The following KCNK2 variants were observed in gnomAD, a reference collection of about 807,000 sequenced individuals.
KCNK2 encodes the protein potassium channel subfamily K member 2.
In KCNK2, 21 loss-of-function variants were observed where a neutral mutation model predicts 40.5. The observed-to-expected ratio is 0.52, with a 90% CI of 0.37 to 0.75. The LOEUF (loss-of-function observed/expected upper bound fraction) is 0.75, where lower values mean the gene tolerates loss of function less well. Ranked by LOEUF, KCNK2 falls within the 30% of genes least tolerant of loss-of-function variation. The pLI is 0.00. For missense variants in KCNK2, 399 were observed against 531.6 expected (o/e 0.75, Z 2.45); for synonymous variants, 191 against 202.2 (o/e 0.94, Z 0.47).
intron 2 of KCNK2, among the ~76,000 whole-genome samples, chr1:215,123,862 C>T (rs1168570174): frequency 6.6e-6 from 1 of 152,148 alleles, no homozygotes; most frequent in Non-Finnish European, 1.5e-5. Context: ...GCTTCTCCTT[C>T]TCCAACCCCC....
intron 3 of KCNK2, among the ~76,000 whole-genome samples, chr1:215,130,694 C>T (rs1661628162): frequency 1.3e-5 from 2 of 151,992 alleles, no homozygotes; most frequent in Non-Finnish European, 2.9e-5. Context: ...TCTATTAATC[C>T]ATATGGGAAA....
chr1:215,194,373 A>T (rs1206005144), intron 5 of KCNK2, among the ~76,000 whole-genome samples: 4 of 152,210 alleles, frequency 2.6e-5, no homozygotes, highest in African/African-American at 7.2e-5. Context: ...AATGAATGGT[A>T]GTATTACCTG....
chr1:215,206,190 A>T (rs1367033575), intron 6 of KCNK2, among the ~76,000 whole-genome samples: 1 of 152,198 alleles, frequency 6.6e-6, no homozygotes, highest in Admixed American at 6.5e-5. Context: ...GAGTCCAGTG[A>T]TGCTGAATCG....
At chr1:215,034,779 C>T (rs1657328523) in intron 1 of KCNK2, among the ~76,000 whole-genome samples, 1 of 151,976 alleles carries the variant, frequency 6.6e-6, no homozygotes, top group Non-Finnish European at 1.5e-5. Flanking sequence ...ATTAATATTG[C>T]TTTATCTTTG....
chr1:215,202,367 C>T (rs1665115963), intron 6 of KCNK2, among the ~76,000 whole-genome samples: 1 of 152,146 alleles, frequency 6.6e-6, no homozygotes, highest in African/African-American at 2.4e-5. Context: ...CTTTCTTTCT[C>T]TAGTCACAGT....
chr1:215,108,526 A>G (rs940002072), intron 2 of KCNK2, among the ~76,000 whole-genome samples: 6 of 152,144 alleles, frequency 3.9e-5, no homozygotes, highest in African/African-American at 1.2e-4. Flanking sequence ...ACATAGTCCT[A>G]TTAATCTATT....
At chr1:215,094,153 T>A (rs1261548491) in intron 2 of KCNK2, among the ~76,000 whole-genome samples, 1 of 150,804 alleles carries the variant, frequency 6.6e-6, no homozygotes, top group African/African-American at 2.4e-5. Flanking sequence ...ATTTTTTATT[T>A]ATGGAGAGAT....
Position 215,187,847 on chromosome 1 carries a change from T to C in KCNK2, c.824-7106T>C, listed in dbSNP as rs930972816. ...ACAGAGCAAGACCCTGTCTCAAAAA[T>C]TTAAAAAAAAAAAAAAAAAAGAGGA... On this transcript the variant is annotated intron_variant, in intron 5 of 6. Coordinates refer to ENST00000444842, the MANE Select transcript of KCNK2 (RefSeq NM_001017425.3). 3.7e-5 allele frequency among the ~76,000 whole-genome samples: 4 copies of C among 108,178 alleles called. No homozygotes were observed. In the South Asian group the frequency reaches 1.0e-3, roughly 27 times the overall value. 71.0% of individuals were successfully genotyped at this position (108,178 alleles called of 152,430 possible). A position where few individuals can be genotyped will look rare whatever the true frequency, so the allele number is the denominator to read the frequency against.
At chr1:215,050,887 C>T (rs774123257) in intron 1 of KCNK2, among the ~76,000 whole-genome samples, 26 of 152,138 alleles carry the variant, frequency 1.7e-4, no homozygotes, top group Non-Finnish European at 3.2e-4. Context: ...CTCCCGGCAT[C>T]ATTACACTAT....
At chr1:215,080,155 A>C (rs1002968350), upstream of KCNK2, among the ~76,000 whole-genome samples, 1 of 152,182 alleles carries the variant, frequency 6.6e-6, no homozygotes, top group Non-Finnish European at 1.5e-5. Context: ...TGAGTCTGGA[A>C]AAACAGAAGC....
rs570515663 is a variant in KCNK2, at chr1:215,141,932, C to T, written c.475+17182C>T. Among the ~76,000 whole-genome samples the T allele has an allele frequency of 3.4e-4, 51 of 152,080 alleles. 1 individual carries two copies. Among genetic ancestry groups the T allele is most frequent in the Non-Finnish European group, 4.9e-4 (33 of 67,938 alleles). On this transcript the variant is annotated intron_variant, in intron 3 of 6. Coordinates refer to ENST00000444842, the MANE Select transcript of KCNK2 (RefSeq NM_001017425.3). ...GGTTCTGCCTTTCCATCTTCAAAGA[C>T]GCTGGAAAATTTTCTGTTGCTTTCG...
At chr1:215,092,955 A>G (rs950058683) in intron 2 of KCNK2, among the ~76,000 whole-genome samples, 1 of 152,176 alleles carries the variant, frequency 6.6e-6, no homozygotes, top group African/African-American at 2.4e-5. Context: ...CAGCACAGCC[A>G]TGTGAAATTT....
At chr1:215,122,781 T>G (rs971886132) in intron 2 of KCNK2, among the ~76,000 whole-genome samples, 2 of 146,728 alleles carry the variant, frequency 1.4e-5, no homozygotes, top group Admixed American at 7.0e-5. Flanking sequence ...AGTCTCACTC[T>G]GTCGCCCAGG....
chr1:215,058,138 C>T (rs1361828087), intron 1 of KCNK2, among the ~76,000 whole-genome samples: 1 of 152,090 alleles, frequency 6.6e-6, no homozygotes, highest in Non-Finnish European at 1.5e-5. Flanking sequence ...TGAAGCTTTG[C>T]CTCAAGCTCT....
intron 3 of KCNK2, among the ~76,000 whole-genome samples, chr1:215,157,117 T>A (rs1485850921): frequency 2.6e-5 from 4 of 152,146 alleles, no homozygotes; most frequent in Admixed American, 6.5e-5. Context: ...GGAGTGTAAT[T>A]GGAGATGAGA....
intron 2 of KCNK2, among the ~76,000 whole-genome samples, chr1:215,106,399 T>A (rs1660441501): frequency 6.6e-6 from 1 of 152,164 alleles, no homozygotes; most frequent in Non-Finnish European, 1.5e-5. Context: ...TTTTGAGAAG[T>A]GTCTGCTCAT....
intron 2 of KCNK2, among the ~76,000 whole-genome samples, chr1:215,108,176 G>A (rs1660521185): frequency 6.6e-6 from 1 of 152,114 alleles, no homozygotes; most frequent in Non-Finnish European, 1.5e-5. Flanking sequence ...AGGTGGTAAA[G>A]CTCCCTGGTG....
chr1:215,015,134 T>C (rs568868555), intron 1 of KCNK2, among the ~76,000 whole-genome samples: 2 of 152,316 alleles, frequency 1.3e-5, no homozygotes, highest in East Asian at 1.9e-4. Flanking sequence ...AAACATTATA[T>C]TGGACATTTT....
chr1:215,195,383 T>G (rs1664823021), intron 6 of KCNK2, among the ~76,000 whole-genome samples: 1 of 151,860 alleles, frequency 6.6e-6, no homozygotes, highest in African/African-American at 2.4e-5. Flanking sequence ...TTGTTTTCTT[T>G]CTTTTGTTCT....
Sources: gnomAD v4.1 joint callset for allele counts (sites outside exome capture counted in the v4.1 genomes callset) on GRCh38, gnomAD v4.1.1 for gene constraint, MANE v1.5 for transcripts, NCBI Gene and HGNC (gene_info 2026-07-23, HGNC 2026-07-21) for gene names.